RFX7: variants seen among roughly 807,000 people sequenced by gnomAD.
RFX7 encodes the protein regulatory factor X7, also known as DNA-binding protein RFX7.
In RFX7, 26 loss-of-function variants were observed where a neutral mutation model predicts 111.8. That is an observed-to-expected ratio of 0.23 (90% confidence interval 0.17 to 0.32). The LOEUF is 0.32. RFX7 is among the 10% of genes least tolerant of loss of function. The pLI, the probability that RFX7 is intolerant of heterozygous loss-of-function variation, is 1.00. For synonymous variants in RFX7, 624 were observed against 624.4 expected (o/e 1.00, Z 0.01); for missense variants, 1,573 against 1,772.9 (o/e 0.89, Z 2.02).
intron 5 of RFX7, among the ~76,000 whole-genome samples, chr15:56,139,261 C>G (rs572351101): frequency 6.6e-6 from 1 of 150,646 alleles, no homozygotes; most frequent in Non-Finnish European, 1.5e-5. Context: ...ACCAATCAGA[C>G]GTAGATTTGG....
At chr15:56,233,546 T>C (rs1161441983) in intron 2 of RFX7, among the ~76,000 whole-genome samples, 1 of 152,122 alleles carries the variant, frequency 6.6e-6, no homozygotes, top group East Asian at 1.9e-4. Flanking sequence ...GTTAAAATAC[T>C]GGACACGAGG....
At chr15:56,217,387 T>C (rs750182748) in intron 2 of RFX7, among the ~76,000 whole-genome samples, 1 of 152,038 alleles carries the variant, frequency 6.6e-6, no homozygotes, top group Non-Finnish European at 1.5e-5. Flanking sequence ...AGATCAAATC[T>C]AGGTTCATAC....
rs149726306 is a variant in RFX7, at chr15:56,114,497, T to C, written c.402-10827A>G. Among the ~76,000 whole-genome samples, 312 of 152,048 alleles carry C rather than the reference T, an allele frequency of 2.1e-3. 2 individuals carry two copies. The highest frequency in any genetic ancestry group is 7.2e-3 in the African/African-American group (300 of 41,532). On this transcript the variant is annotated intron_variant, in intron 5 of 9. Coordinates refer to ENST00000559447, the MANE Select transcript of RFX7 (RefSeq NM_022841.7). ...AAAAAAGAAATTTATCGTTTTCGTA[T>C]TGTTCTGTGTTTTGGGCAGAACAAT...
intron 5 of RFX7, among the ~76,000 whole-genome samples, chr15:56,113,726 A>G (rs1016431347): frequency 5.3e-5 from 8 of 152,084 alleles, no homozygotes; most frequent in African/African-American, 2.4e-5. Flanking sequence ...ACATCATTAA[A>G]TTTTTTCCTA....
At chr15:56,234,299 A>T (rs762370559) in intron 2 of RFX7, among the ~76,000 whole-genome samples, 14 of 152,208 alleles carry the variant, frequency 9.2e-5, no homozygotes, top group Non-Finnish European at 1.8e-4. Flanking sequence ...TAACCTTTTT[A>T]TGCCTTGTAT....
intron 5 of RFX7, among the ~76,000 whole-genome samples, chr15:56,122,491 A>G (rs2042091193): frequency 6.6e-6 from 1 of 152,192 alleles, no homozygotes; most frequent in Admixed American, 6.5e-5. Flanking sequence ...TGAAACAAGC[A>G]TAGCACTGGG....
At chr15:56,162,430 C>T (rs896611241) in intron 3 of RFX7, among the ~76,000 whole-genome samples, 1 of 151,978 alleles carries the variant, frequency 6.6e-6, no homozygotes, top group Non-Finnish European at 1.5e-5. Flanking sequence ...TGTATTATGT[C>T]ATTCTTTGAA....
chr15:56,105,085 C>T (rs1175855817), intron 5 of RFX7, among the ~76,000 whole-genome samples: 2 of 152,042 alleles, frequency 1.3e-5, no homozygotes, highest in African/African-American at 4.8e-5. Context: ...CAAACCGGCA[C>T]AAAAAGAAAA....
In RFX7 at chr15:56,092,835, A is replaced by AT. The variant is rs1156391459; in HGVS notation, c.*509dup. The AT allele has an allele frequency of 1.3e-5, 2 of 152,690 alleles. No homozygotes were observed. Among genetic ancestry groups the AT allele is most frequent in the African/African-American group, 2.4e-5 (1 of 41,400 alleles). 9.5% of individuals were successfully genotyped at this position (152,690 alleles called of 1,614,324 possible). A position where few individuals can be genotyped will look rare whatever the true frequency, so the allele number is the denominator to read the frequency against. ...TGAAGCCCCAGAAAGTCCTACAGAG[A>AT]TTTTTCACCCTACAGTAGCTCTATG... On this transcript the variant is annotated 3_prime_UTR_variant, in exon 10 of 10. Coordinates refer to ENST00000559447, the MANE Select transcript of RFX7 (RefSeq NM_022841.7).
chr15:56,143,581 G>A (rs1299468358), intron 4 of RFX7, among the ~76,000 whole-genome samples: 1 of 151,950 alleles, frequency 6.6e-6, no homozygotes, highest in Admixed American at 6.6e-5. Flanking sequence ...TACCGAAATG[G>A]ACACCAAAGA....
intron 7 of RFX7, among the ~76,000 whole-genome samples, 185 bp downstream of exon 7, chr15:56,101,984 C>A (rs2041759469): frequency 6.6e-6 from 1 of 152,054 alleles, no homozygotes; most frequent in South Asian, 2.1e-4. Context: ...ACTTTTGTTC[C>A]CCCAAATTTC....
chr15:56,138,244 G>A (rs1229464051), intron 5 of RFX7, among the ~76,000 whole-genome samples: 11 of 135,238 alleles, frequency 8.1e-5, no homozygotes, highest in South Asian at 2.8e-4. Flanking sequence ...TAATGTGTGG[G>A]AGTCTAAGTC....
At chr15:56,124,198 G>A (rs12443028) in intron 5 of RFX7, among the ~76,000 whole-genome samples, 9,950 of 152,112 alleles carry the variant, frequency 0.065, 445 homozygotes, top group Admixed American at 0.1. Flanking sequence ...CGAGGCAGGC[G>A]GATCACAAGG....
chr15:56,210,622 A>T (rs1330844358), intron 2 of RFX7, among the ~76,000 whole-genome samples: 1 of 152,130 alleles, frequency 6.6e-6, no homozygotes, highest in Non-Finnish European at 1.5e-5. Flanking sequence ...CCCTCAGACC[A>T]CAGAGGAATT....
chr15:56,188,342 G>A (rs1253124185), intron 2 of RFX7, among the ~76,000 whole-genome samples: 1 of 152,104 alleles, frequency 6.6e-6, no homozygotes, highest in Admixed American at 6.5e-5. Flanking sequence ...TATGTACAAT[G>A]GGAGAGGAGA....
chr15:56,202,271 C>T (rs7161760), intron 2 of RFX7, among the ~76,000 whole-genome samples: 214 of 152,222 alleles, frequency 1.4e-3, no homozygotes, highest in African/African-American at 5.1e-3. Flanking sequence ...ACAGATATTA[C>T]ATTTAGTAAA....
rs2041606265 is a variant in RFX7, at chr15:56,092,304, C to T, written c.*1041G>A. 1 of 152,472 alleles carries T rather than the reference C, an allele frequency of 6.6e-6. No individual in the cohort carries two copies. Among genetic ancestry groups the T allele is most frequent in the South Asian group, 2.1e-4 (1 of 4,826 alleles). The allele number at this position is 152,472 out of a possible 1,614,324, so 9.4% of individuals were successfully genotyped here. On this transcript the variant is annotated 3_prime_UTR_variant, in exon 10 of 10. Coordinates refer to ENST00000559447, the MANE Select transcript of RFX7 (RefSeq NM_022841.7). Reference sequence around the variant, plus strand: ...TGTTGTTTTTTATGTTATCCTCCTTCCTGTTTTTCAAAGGGATCCTATGAT... The same window carrying T: ...TGTTGTTTTTTATGTTATCCTCCTTTCTGTTTTTCAAAGGGATCCTATGAT...
chr15:56,172,858 G>C (rs2042860588), intron 3 of RFX7, among the ~76,000 whole-genome samples: 1 of 152,180 alleles, frequency 6.6e-6, no homozygotes, highest in African/African-American at 2.4e-5. Flanking sequence ...GCTGTTAATA[G>C]ACTTCTGCAT....
intron 3 of RFX7, among the ~76,000 whole-genome samples, chr15:56,145,454 T>C (rs2042455748): frequency 6.6e-6 from 1 of 152,242 alleles, no homozygotes; most frequent in Non-Finnish European, 1.5e-5. Flanking sequence ...AGTTTAATCT[T>C]AGAATCCATC....
Sources: gnomAD v4.1 joint callset for allele counts (sites outside exome capture counted in the v4.1 genomes callset) on GRCh38, gnomAD v4.1.1 for gene constraint, MANE v1.5 for transcripts, NCBI Gene and HGNC (gene_info 2026-07-23, HGNC 2026-07-21) for gene names.